Variants in AGBL1 observed in about 807,000 individuals in gnomAD.
AGBL1 encodes the protein cytosolic carboxypeptidase 4.
In AGBL1, 130 loss-of-function variants were observed where a neutral mutation model predicts 118.9. The observed-to-expected ratio is 1.09, with a 90% CI of 0.95 to 1.26. The LOEUF (loss-of-function observed/expected upper bound fraction) is 1.26. Ranked by LOEUF, AGBL1 falls within the 50% of genes most tolerant of loss-of-function variation. The pLI is 0.00. For synonymous variants in AGBL1, 555 were observed against 478.9 expected (o/e 1.16, Z -2.08); for missense variants, 1,584 against 1,298.1 (o/e 1.22, Z -3.38).
At chr15:86,459,116 C>T (rs983085649) in intron 18 of AGBL1, among the ~76,000 whole-genome samples, 18 of 152,098 alleles carry the variant, frequency 1.2e-4, no homozygotes, top group Admixed American at 6.6e-4. Context: ...TATATTCACA[C>T]GTGTTGACAT....
At chr15:86,747,435 G>A (rs1005537762) in intron 22 of AGBL1, among the ~76,000 whole-genome samples, 3 of 151,994 alleles carry the variant, frequency 2.0e-5, no homozygotes, top group African/African-American at 7.2e-5. Flanking sequence ...AAGTATGAAA[G>A]TCTAAAAAAC....
intron 17 of AGBL1, among the ~76,000 whole-genome samples, chr15:86,320,058 C>T (rs1429810087): frequency 6.6e-6 from 1 of 152,046 alleles, no homozygotes; most frequent in Admixed American, 6.6e-5. Context: ...CACCCGGCCT[C>T]TTTGGTAGTA....
intron 1 of AGBL1, among the ~76,000 whole-genome samples, chr15:86,134,341 G>A (rs559010990): frequency 9.8e-5 from 15 of 152,290 alleles, no homozygotes; most frequent in African/African-American, 3.4e-4. Flanking sequence ...TGTGTCCTGA[G>A]CTCTTGGCTC....
Position 86,477,144 on chromosome 15 carries a change from T to C in AGBL1, c.2556-45666T>C, listed in dbSNP as rs569227132. 2.0e-5 allele frequency among the ~76,000 whole-genome samples: 3 copies of C among 152,144 alleles called. No individual in the cohort carries two copies. The East Asian group carries it at 5.8e-4, about 29-fold the overall frequency. On this transcript the variant is annotated intron_variant, in intron 18 of 22. Transcript: ENST00000614907. ...AGAGAAAGCAGGAAAGATCTAAAAC[T>C]GACACCCTAACATCACAATTGAAAG...
intron 22 of AGBL1, among the ~76,000 whole-genome samples, chr15:86,744,891 A>G (rs2077732585): frequency 6.6e-6 from 1 of 152,146 alleles, no homozygotes; most frequent in South Asian, 2.1e-4. Context: ...TCATTCTGCA[A>G]ACCTCTGTTG....
chr15:86,531,916 C>T (rs1378620403), intron 19 of AGBL1, among the ~76,000 whole-genome samples: 2 of 150,306 alleles, frequency 1.3e-5, no homozygotes, highest in Non-Finnish European at 3.0e-5. Flanking sequence ...AACAACCCTT[C>T]ATGCTAAAAA....
intron 21 of AGBL1, among the ~76,000 whole-genome samples, chr15:86,600,573 C>T (rs991184915): frequency 6.6e-6 from 1 of 152,130 alleles, no homozygotes; most frequent in African/African-American, 2.4e-5. Flanking sequence ...GATGGGTTTA[C>T]TCTGTCACCC....
intron 22 of AGBL1, among the ~76,000 whole-genome samples, chr15:86,705,008 C>A (rs904458044): frequency 1.3e-5 from 2 of 152,122 alleles, no homozygotes; most frequent in African/African-American, 2.4e-5. Flanking sequence ...TGGAAACCAT[C>A]ATTCTCAGCA....
intron 22 of AGBL1, among the ~76,000 whole-genome samples, chr15:86,687,288 C>A (rs1014881378): frequency 2.6e-5 from 4 of 152,106 alleles, no homozygotes; most frequent in Non-Finnish European, 5.9e-5. Context: ...TCTGCAAAGT[C>A]GGCTGGAGAA....
intron 7 of AGBL1, among the ~76,000 whole-genome samples, chr15:86,253,457 G>T (rs1470478515): frequency 6.6e-6 from 1 of 151,954 alleles, no homozygotes; most frequent in African/African-American, 2.4e-5. Context: ...CACCTTGTTG[G>T]CCAGGCTGGT....
intron 22 of AGBL1, among the ~76,000 whole-genome samples, chr15:86,903,290 T>C (rs930336708): frequency 3.3e-5 from 5 of 152,102 alleles, no homozygotes; most frequent in African/African-American, 4.8e-5. Context: ...TGAGACTTTT[T>C]GTTTTTTACT....
chr15:86,191,909 A>AAAAAAAAAC (rs1029213995), intron 5 of AGBL1, among the ~76,000 whole-genome samples: 3 of 148,346 alleles, frequency 2.0e-5, no homozygotes, highest in Admixed American at 6.6e-5. Flanking sequence ...TCTCTTAAAA[A>AAAAAAAAAC]AAAAAAAACA....
chr15:86,837,138 A>C (rs1351383553), intron 22 of AGBL1, among the ~76,000 whole-genome samples: 1 of 151,978 alleles, frequency 6.6e-6, no homozygotes, highest in Non-Finnish European at 1.5e-5. Context: ...CGCATTTCAC[A>C]GTCTATACAA....
intron 17 of AGBL1, among the ~76,000 whole-genome samples, chr15:86,321,415 T>G (rs1211748440): frequency 1.3e-5 from 2 of 152,082 alleles, no homozygotes. Flanking sequence ...GCTTGTGTAA[T>G]TATGTCCTTA....
At chr15:86,582,717 T>C (rs2084187551) in intron 21 of AGBL1, among the ~76,000 whole-genome samples, 1 of 152,080 alleles carries the variant, frequency 6.6e-6, no homozygotes, top group Non-Finnish European at 1.5e-5. Flanking sequence ...TGTAGGGACA[T>C]GGATGAAGCT....
intron 23 of AGBL1, among the ~76,000 whole-genome samples, chr15:86,942,236 G>T (rs1038214566): frequency 6.6e-6 from 1 of 152,142 alleles, no homozygotes. Context: ...GAATGTGAGG[G>T]AGACAGCAAC....
chr15:86,542,170 T>G (rs1470024787), intron 19 of AGBL1, among the ~76,000 whole-genome samples: 1 of 152,154 alleles, frequency 6.6e-6, no homozygotes, highest in Non-Finnish European at 1.5e-5. Flanking sequence ...GCTGGCATAA[T>G]GTAGGGGAGA....
chr15:86,623,029 G>T (rs2084836043), intron 21 of AGBL1, among the ~76,000 whole-genome samples: 1 of 152,156 alleles, frequency 6.6e-6, no homozygotes, highest in African/African-American at 2.4e-5. Flanking sequence ...AGAATCTAAT[G>T]CCACCACTGA....
At chr15:86,287,709 C>G (rs2079476762) in intron 16 of AGBL1, among the ~76,000 whole-genome samples, 1 of 151,926 alleles carries the variant, frequency 6.6e-6, no homozygotes, top group African/African-American at 2.4e-5. Flanking sequence ...TGGCAAGGAC[C>G]CATGTGGTCA....
Sources: allele counts gnomAD v4.1 joint callset (sites outside exome capture counted in the v4.1 genomes callset), GRCh38; gene constraint gnomAD v4.1.1; transcripts MANE v1.5; gene names NCBI Gene and HGNC (gene_info 2026-07-23, HGNC 2026-07-21).